The following THAP6 variants were observed in gnomAD, a reference collection of about 807,000 sequenced individuals.
The protein encoded by THAP6 is THAP domain containing 6, also known as THAP domain-containing protein 6.
THAP6 carries 13 observed loss-of-function variants against 20.0 expected under a neutral mutation model. That is an observed-to-expected ratio of 0.65 (90% CI 0.42 to 1.03). The LOEUF (loss-of-function observed/expected upper bound fraction) is 1.03. Ranked by LOEUF, THAP6 falls within the 50% of genes least tolerant of loss-of-function variation. THAP6 has a pLI of 0.00. For synonymous variants in THAP6, 93 were observed against 92.2 expected, an observed-to-expected ratio of 1.01 and a Z score of -0.05; for missense variants, 262 against 261.6, an observed-to-expected ratio of 1.00 and a Z score of -0.01.
At chr4:75,514,202 G>C (rs1332215237), upstream of THAP6, 1 of 1,612,146 alleles carries the variant, frequency 6.2e-7, no homozygotes, top group Non-Finnish European at 8.5e-7. Flanking sequence ...GTCACCTTTA[G>C]GAGACATCCT....
At chr4:75,523,120 T>G (rs888579391) in intron 4 of THAP6, among the ~76,000 whole-genome samples, 1 of 152,202 alleles carries the variant, frequency 6.6e-6, no homozygotes, top group African/African-American at 2.4e-5. Context: ...TTGTTGCCTG[T>G]TTTAGGTATA....
chr4:75,538,398 A>C (rs1316801025), intron 2 of THAP6, among the ~76,000 whole-genome samples: 1 of 150,196 alleles, frequency 6.7e-6, no homozygotes, highest in Non-Finnish European at 1.5e-5. Flanking sequence ...AAAAAAAAAA[A>C]CAGGAACATA....
Position 75,528,334 on chromosome 4 carries a change from G to C in THAP6, c.*1120G>C, listed in dbSNP as rs560863921. 283 of 985,236 alleles carry C rather than the reference G, an allele frequency of 2.9e-4. 1 individual carries two copies. In the African/African-American group the frequency reaches 4.7e-3, roughly 16 times the overall value. 61.0% of individuals were successfully genotyped at this position (985,236 alleles called of 1,614,324 possible). A position where few individuals can be genotyped will look rare whatever the true frequency, so the allele number is the denominator to read the frequency against. ...TTAGCTTTTGTCATAATTCCTTACC[G>C]AAAACAACTGAAATTGAGAGTCATA... On this transcript the variant is annotated 3_prime_UTR_variant, in exon 5 of 5. Coordinates refer to ENST00000311638, the MANE Select transcript of THAP6 (RefSeq NM_144721.6).
intron 4 of THAP6, chr4:75,522,497 T>C (rs184425983): frequency 6.6e-6 from 1 of 152,300 alleles, no homozygotes; most frequent in Admixed American, 6.5e-5. Flanking sequence ...TATTGTTGGC[T>C]ATCGTCACCC....
At chr4:75,533,107 T>C (rs974801246), downstream of THAP6, among the ~76,000 whole-genome samples, 3 of 152,196 alleles carry the variant, frequency 2.0e-5, no homozygotes, top group African/African-American at 7.2e-5. Flanking sequence ...TTTTATGCTC[T>C]CCTTTCCTTA....
chr4:75,515,344 A>AT, intron 1 of THAP6, 89 bp from the exon 2 acceptor site: 1 of 1,236,854 alleles, frequency 8.1e-7, no homozygotes. Context: ...TTCTATCCTG[A>AT]TTTTGTGTTT....
chr4:75,523,478 C>G (rs1726163749), intron 4 of THAP6, among the ~76,000 whole-genome samples: 1 of 152,068 alleles, frequency 6.6e-6, no homozygotes. Context: ...GTCCGTTTTG[C>G]TTTGGTTGCC....
intron 3 of THAP6, among the ~76,000 whole-genome samples, chr4:75,519,253 G>A (rs1725855552): frequency 6.6e-6 from 1 of 151,208 alleles, no homozygotes; most frequent in African/African-American, 2.4e-5. Flanking sequence ...TTCTACTATT[G>A]ATAAATGTTT....
At chr4:75,520,840 A>T (rs939095336) in intron 3 of THAP6, among the ~76,000 whole-genome samples, 1 of 152,214 alleles carries the variant, frequency 6.6e-6, no homozygotes, top group African/African-American at 2.4e-5. Context: ...AACTTTGCTA[A>T]AATTGATAGG....
In THAP6 at chr4:75,516,748, ATATTTTTTG is replaced by A; in HGVS notation, c.81-15_81-7del. On this transcript the variant is annotated splice_polypyrimidine_tract_variant and intron_variant, in intron 2 of 4. Coordinates refer to ENST00000311638, the MANE Select transcript of THAP6 (RefSeq NM_144721.6). ...TATAGCAATAGTATTTGATTTTAAAATATTTTTTGTATTTTTTTTCTAGATTCCCCACAG... is the reference window on the plus strand; with the variant it reads ...TATAGCAATAGTATTTGATTTTAAAATATTTTTTTTCTAGATTCCCCACAG... 6.3e-7 allele frequency: 1 copy of A among 1,595,350 alleles called. No individual in the cohort carries two copies. The highest frequency in any genetic ancestry group is 1.1e-5 in the South Asian group (1 of 89,436).
At chr4:75,532,431 A>G (rs1726709949), downstream of THAP6, among the ~76,000 whole-genome samples, 3 of 152,188 alleles carry the variant, frequency 2.0e-5, no homozygotes, top group African/African-American at 7.2e-5. Context: ...ATGGGCTGGC[A>G]TTGAATGTCT....
At chr4:75,521,364 C>T (rs972426447) in intron 3 of THAP6, among the ~76,000 whole-genome samples, 8 of 151,894 alleles carry the variant, frequency 5.3e-5, no homozygotes, top group African/African-American at 1.9e-4. Context: ...CATGGTTTGT[C>T]GCCTTACTCT....
At chr4:75,520,190 T>C (rs1560542432) in intron 3 of THAP6, among the ~76,000 whole-genome samples, 1 of 152,344 alleles carries the variant, frequency 6.6e-6, no homozygotes, top group Non-Finnish European at 1.5e-5. Context: ...GTTTTTTTCT[T>C]GTAAATTTGT....
chr4:75,535,854 A>G (rs1726835207), intron 2 of THAP6, among the ~76,000 whole-genome samples: 1 of 152,188 alleles, frequency 6.6e-6, no homozygotes, highest in Non-Finnish European at 1.5e-5. Context: ...ATCTAAAACA[A>G]TGCCTTTCTG....
intron 3 of THAP6, among the ~76,000 whole-genome samples, chr4:75,520,608 G>A (rs1352851504): frequency 6.6e-6 from 1 of 152,028 alleles, no homozygotes; most frequent in East Asian, 1.9e-4. Flanking sequence ...TTTTAAACAG[G>A]ACTAAAATGA....
intron 3 of THAP6, among the ~76,000 whole-genome samples, chr4:75,520,696 T>C (rs548213465): frequency 6.6e-6 from 1 of 152,308 alleles, no homozygotes; most frequent in African/African-American, 2.4e-5. Context: ...AAAGACTATA[T>C]ACACTTTTTA....
intron 4 of THAP6, among the ~76,000 whole-genome samples, chr4:75,523,191 A>G (rs1726141404): frequency 6.6e-6 from 1 of 152,198 alleles, no homozygotes; most frequent in Admixed American, 6.5e-5. Flanking sequence ...CATTTCTCTG[A>G]TGATCAGTGA....
At chr4:75,516,707 A>T in intron 2 of THAP6, 65 bp from the exon 3 acceptor site, 1 of 1,376,142 alleles carries the variant, frequency 7.3e-7, no homozygotes, top group Non-Finnish European at 1.0e-6. Context: ...TGTATAAGGC[A>T]GCTTTAATTC....
At chr4:75,533,602 C>T (rs1444557016), downstream of THAP6, among the ~76,000 whole-genome samples, 24 of 152,084 alleles carry the variant, frequency 1.6e-4, no homozygotes, top group Non-Finnish European at 2.9e-4. Flanking sequence ...GGGCAATTTA[C>T]AAAAGAAAGA....
Sources: allele counts gnomAD v4.1 joint callset (sites outside exome capture counted in the v4.1 genomes callset), GRCh38; gene constraint gnomAD v4.1.1; transcripts MANE v1.5; gene names NCBI Gene and HGNC (gene_info 2026-07-23, HGNC 2026-07-21).